Variants in PKD1L3 observed in about 807,000 individuals in gnomAD.
The protein encoded by PKD1L3 is polycystin-1-like protein 3.
PKD1L3 carries 239 observed loss-of-function variants against 184.1 expected under a neutral mutation model. The observed-to-expected ratio is 1.30, with a 90% confidence interval of 1.17 to 1.45. The LOEUF (loss-of-function observed/expected upper bound fraction) is 1.45. PKD1L3 is among the 40% of genes most tolerant of loss of function. PKD1L3 has a pLI of 0.00. For missense variants in PKD1L3, 2,660 were observed against 2,067.2 expected, an observed-to-expected ratio of 1.29 and a Z score of -5.56; for synonymous variants, 996 against 778.8, an observed-to-expected ratio of 1.28 and a Z score of -4.64.
chr16:71,995,152 T>C (rs1318930133), intron 2 of PKD1L3, among the ~76,000 whole-genome samples: 1 of 151,802 alleles, frequency 6.6e-6, no homozygotes, highest in Non-Finnish European at 1.5e-5. Flanking sequence ...GCACTTGGAG[T>C]TGGGGGAAGG....
chr16:71,953,211 A>ACGT, intron 17 of PKD1L3, 118 bp from the exon 18 acceptor site: 1 of 859,244 alleles, frequency 1.2e-6, no homozygotes, highest in Non-Finnish European at 1.7e-6. Flanking sequence ...CTAGAGATAA[A>ACGT]ATTATCCTGG....
At chr16:71,972,237 A>C (rs2039741528) in intron 12 of PKD1L3, among the ~76,000 whole-genome samples, 1 of 151,750 alleles carries the variant, frequency 6.6e-6, no homozygotes, top group African/African-American at 2.4e-5. Context: ...AAAAAAACAA[A>C]AAAAAACAAT....
At chr16:71,952,610 G>GGATGGCGGGAGGCCAAGGTGGGAA (rs2038885200) in intron 18 of PKD1L3, among the ~76,000 whole-genome samples, 1 of 151,958 alleles carries the variant, frequency 6.6e-6, no homozygotes, top group Non-Finnish European at 1.5e-5. Flanking sequence ...CAAGGTGGGA[G>GGATGGCGGGAGGCCAAGGTGGGAA]GATGGCTTGA....
chr16:71,993,019 G>A (rs999336755), intron 3 of PKD1L3, among the ~76,000 whole-genome samples, 197 bp downstream of exon 3: 1 of 152,156 alleles, frequency 6.6e-6, no homozygotes, highest in African/African-American at 2.4e-5. Context: ...ATGAAAAGAC[G>A]GCGGCCAAGG....
chr16:71,982,282 T>A, intron 6 of PKD1L3, 47 bp from the exon 7 acceptor site: 2 of 1,022,888 alleles, frequency 2.0e-6, no homozygotes, highest in Non-Finnish European at 1.3e-6. Context: ...TGTTTGCTTT[T>A]TTTTTTTTTT....
chr16:71,959,106 A>T (rs1170260997), intron 16 of PKD1L3, among the ~76,000 whole-genome samples: 1 of 148,022 alleles, frequency 6.8e-6, no homozygotes, highest in South Asian at 2.1e-4. Flanking sequence ...AAAAAAAAAG[A>T]CACTAAAAGA....
chr16:71,965,474 C>A (rs550324653), intron 15 of PKD1L3, among the ~76,000 whole-genome samples: 2 of 151,992 alleles, frequency 1.3e-5, no homozygotes, highest in African/African-American at 2.4e-5. Context: ...TCTGAAGTGG[C>A]CATACCATTT....
chr16:71,934,552 G>C (rs922400636), intron 26 of PKD1L3, among the ~76,000 whole-genome samples: 6 of 152,168 alleles, frequency 3.9e-5, no homozygotes, highest in African/African-American at 1.4e-4. Flanking sequence ...GGCAGTACAG[G>C]ATTGCTGTAA....
At chr16:71,930,255 T>C (rs2037891687) in intron 28 of PKD1L3, 72 bp from the exon 29 acceptor site, 2 of 1,401,894 alleles carry the variant, frequency 1.4e-6, no homozygotes, top group African/African-American at 2.9e-5. Context: ...AGCTATATGC[T>C]AGTGTTTGGG....
At chr16:71,972,390 A>G (rs992810440) in intron 12 of PKD1L3, among the ~76,000 whole-genome samples, 8 of 152,024 alleles carry the variant, frequency 5.3e-5, no homozygotes, top group Admixed American at 6.6e-5. Flanking sequence ...ACAAGAGGGA[A>G]ACTCCCTCTA....
chr16:71,987,537 T>TA (rs1202637265), intron 4 of PKD1L3, among the ~76,000 whole-genome samples: 1 of 152,038 alleles, frequency 6.6e-6, no homozygotes, highest in Non-Finnish European at 1.5e-5. Context: ...CACACCCGGC[T>TA]AATTTTTGTA....
Position 71,942,783 on chromosome 16 carries a change from G to C in PKD1L3, c.4101C>G (p.Phe1367Leu). ...CATAGGTCTTGGTACGGGGTATTTGGAAAATTAATTGTACCCCACATTTGC... is the reference window on the plus strand; with the variant it reads ...CATAGGTCTTGGTACGGGGTATTTGCAAAATTAATTGTACCCCACATTTGC... The part of the protein sequence containing the change: ...SHCKCGVQLI[F>L]QIPRTKTYEK... Residue 1367 changes from phenylalanine (F) to leucine (L), a missense_variant, in exon 24 of 30, where the codon TTC becomes TTG. Physicochemically the swap from Phe to Leu is conservative, Grantham distance 22 (BLOSUM62 0). Coordinates refer to ENST00000620267, the MANE Select transcript of PKD1L3 (RefSeq NM_181536.2). 6.4e-7 allele frequency: 1 copy of C among 1,551,640 alleles called. No individual in the cohort carries two copies. The highest frequency in any genetic ancestry group is 1.2e-5 in the South Asian group (1 of 84,066).
intron 11 of PKD1L3, among the ~76,000 whole-genome samples, chr16:71,973,863 G>A (rs2039815545): frequency 6.6e-6 from 1 of 152,032 alleles, no homozygotes; most frequent in African/African-American, 2.4e-5. Flanking sequence ...TTAGTGGGGT[G>A]TGGTGATGTG....
At chr16:71,976,260 C>CTTTTTTTTTTT (rs1379463065) in intron 11 of PKD1L3, among the ~76,000 whole-genome samples, 1 of 28,952 alleles carries the variant, frequency 3.5e-5, no homozygotes, top group Non-Finnish European at 7.6e-5. Flanking sequence ...AGTGCCCAGC[C>CTTTTTTTTTTT]TGTCTTTTTT....
intron 21 of PKD1L3, among the ~76,000 whole-genome samples, 171 bp downstream of exon 21, chr16:71,949,612 C>A (rs1289505892): frequency 6.6e-6 from 1 of 152,124 alleles, no homozygotes; most frequent in African/African-American, 2.4e-5. Context: ...CTTGGCCTCC[C>A]AAATTGCTGG....
At chr16:71,958,381 C>T (rs1381846241) in intron 16 of PKD1L3, among the ~76,000 whole-genome samples, 11 of 110,164 alleles carry the variant, frequency 1.0e-4, no homozygotes, top group Non-Finnish European at 1.8e-4. Context: ...AGCGAGACTC[C>T]GTCTCAAAAA....
intron 3 of PKD1L3, among the ~76,000 whole-genome samples, chr16:71,992,918 A>C (rs1369524295): frequency 1.3e-5 from 2 of 152,224 alleles, no homozygotes; most frequent in Non-Finnish European, 2.9e-5. Context: ...ATAACACCAT[A>C]ATTTGAAAGA....
chr16:71,954,398 C>T (rs2038969070), intron 16 of PKD1L3, 97 bp from the exon 17 acceptor site: 2 of 861,566 alleles, frequency 2.3e-6, no homozygotes, highest in African/African-American at 1.7e-5. Flanking sequence ...GACATAGCAA[C>T]TCCCAAGCCT....
At chr16:71,973,868 G>GGC in intron 11 of PKD1L3, among the ~76,000 whole-genome samples, 1 of 152,048 alleles carries the variant, frequency 6.6e-6, no homozygotes, top group African/African-American at 2.4e-5. Flanking sequence ...GGGGTGTGGT[G>GGC]ATGTGAGCCT....
Sources: allele counts gnomAD v4.1 joint callset (sites outside exome capture counted in the v4.1 genomes callset), GRCh38; gene constraint gnomAD v4.1.1; transcripts MANE v1.5; gene names NCBI Gene and HGNC (gene_info 2026-07-23, HGNC 2026-07-21).